EPRS1: variants seen among roughly 807,000 people sequenced by gnomAD.
EPRS1 encodes glutamyl-prolyl-tRNA synthetase 1, also known as bifunctional glutamate/proline--tRNA ligase.
In EPRS1, 107 loss-of-function variants were observed where a neutral mutation model predicts 188.3. The ratio of observed to expected loss-of-function variants is 0.57; its 90% confidence interval spans 0.49 to 0.67. The LOEUF is 0.67. Among genes scored for constraint, EPRS1 ranks in the 30% least tolerant of loss-of-function variants. The pLI is 0.00. For missense variants in EPRS1, 1,577 were observed against 1,802.2 expected, an observed-to-expected ratio of 0.88 and a Z score of 2.26; for synonymous variants, 596 against 593.1, an observed-to-expected ratio of 1.00 and a Z score of -0.07.
intron 10 of EPRS1, 133 bp from the exon 11 acceptor site, chr1:220,019,212 G>T: frequency 3.1e-6 from 2 of 644,588 alleles, no homozygotes; most frequent in Non-Finnish European, 5.5e-6. Flanking sequence ...ATACTAATTA[G>T]GTAGTATGCA....
At chr1:220,021,378 T>C (rs1277302166) in intron 9 of EPRS1, among the ~76,000 whole-genome samples, 1 of 151,904 alleles carries the variant, frequency 6.6e-6, no homozygotes, top group Non-Finnish European at 1.5e-5. Context: ...ATTTATTTTT[T>C]GGTAGAGACA....
At position 220,002,822 on chromosome 1, in the gene EPRS1, G is replaced by A. The variant is rs1406165256; in HGVS notation, c.2064-1567C>T. On this transcript the variant is annotated intron_variant, in intron 16 of 31. Transcript: ENST00000366923. ...CCGCTGCACTCAAGTCTGGGTGAGA[G>A]TGAGACCCTGTCTCTTAAAAAAATA... Among the ~76,000 whole-genome samples the A allele has an allele frequency of 3.3e-5, 5 of 152,178 alleles. 1 individual carries two copies. Among genetic ancestry groups the A allele is most frequent in the Non-Finnish European group, 4.4e-5 (3 of 68,038 alleles).
chr1:220,011,162 A>G, intron 12 of EPRS1, 106 bp from the exon 13 acceptor site: 1 of 617,956 alleles, frequency 1.6e-6, no homozygotes, highest in Non-Finnish European at 2.8e-6. Flanking sequence ...TTGTTACTGC[A>G]TTTACTAATT....
At chr1:220,029,648 G>A (rs905280137) in intron 6 of EPRS1, among the ~76,000 whole-genome samples, 3 of 152,140 alleles carry the variant, frequency 2.0e-5, no homozygotes, top group African/African-American at 7.2e-5. Flanking sequence ...TTTCCTAATG[G>A]TTAATTTTCT....
chr1:219,997,359 C>T lies in EPRS1; in HGVS notation c.2182-17G>A, dbSNP rs760167455. On this transcript the variant is annotated splice_polypyrimidine_tract_variant and intron_variant, in intron 17 of 31. Coordinates refer to ENST00000366923, the MANE Select transcript of EPRS1 (RefSeq NM_004446.3). ...AGCAGAGGTCTACCAAGAGAGAAAA[C>T]CAAAAGTAAAATAATTAATTCATAT... 4 of 1,524,120 alleles carry T rather than the reference C, an allele frequency of 2.6e-6. No individual in the cohort carries two copies. The highest frequency in any genetic ancestry group is 3.5e-6 in the Non-Finnish European group (4 of 1,138,470). The allele number at this position is 1,524,120 out of a possible 1,614,324, so 94.4% of individuals were successfully genotyped here. A position where few individuals can be genotyped will look rare whatever the true frequency, so the allele number is the denominator to read the frequency against.
At chr1:219,971,619 C>T (rs571118588) in intron 30 of EPRS1, among the ~76,000 whole-genome samples, 2 of 151,586 alleles carry the variant, frequency 1.3e-5, no homozygotes, top group Admixed American at 1.3e-4. Flanking sequence ...ACTGAAATAA[C>T]ACAGATTTTC....
Position 220,010,987 on chromosome 1 carries a change from C to G in EPRS1, c.1564G>C (p.Glu522Gln). Residue 522 changes from glutamate to glutamine, a missense_variant, in exon 13 of 32, where the codon GAA becomes CAA. Physicochemically the swap from Glu to Gln is conservative, Grantham distance 29. Transcript: ENST00000366923. ...KKEVIPVNVP[E>Q]AQEEMKEVAK... is the part of the protein sequence containing the mutation. ...ACTTCTTTCATCTCCTCCTGAGCTT[C>G]AGGTACATTCACTGGGATCACTTCT... is the stretch of plus-strand genomic sequence containing the variant. The G allele has an allele frequency of 6.2e-7, 1 of 1,613,622 alleles. No homozygotes were observed. Among genetic ancestry groups the G allele is most frequent in the Non-Finnish European group, 8.5e-7 (1 of 1,179,588 alleles).
At position 219,976,729 on chromosome 1, in the gene EPRS1, A is replaced by G. The variant is rs545922959; in HGVS notation, c.4083+1817T>C. On this transcript the variant is annotated intron_variant, in intron 28 of 31. Coordinates refer to ENST00000366923, the MANE Select transcript of EPRS1 (RefSeq NM_004446.3). The stretch of plus-strand genomic sequence containing the variant: ...GAAAAACAGGCTGTCTGTGAAGAAG[A>G]GAGAAAACGGCATATGAAAGGGGAT... Among the ~76,000 whole-genome samples the G allele has an allele frequency of 3.3e-5, 5 of 152,326 alleles. No homozygotes were observed. In the South Asian group the frequency reaches 1.0e-3, roughly 32 times the overall value.
chr1:219,991,600 AAG>A (rs1006797138), intron 18 of EPRS1, among the ~76,000 whole-genome samples: 1 of 152,172 alleles, frequency 6.6e-6, no homozygotes, highest in Non-Finnish European at 1.5e-5. Flanking sequence ...ACAGGTTGCA[AAG>A]AGAGGCATTT....
At chr1:220,040,517 T>C (rs1288870709) in intron 1 of EPRS1, among the ~76,000 whole-genome samples, 2 of 152,234 alleles carry the variant, frequency 1.3e-5, no homozygotes, top group African/African-American at 4.8e-5. Flanking sequence ...TTAGAGACAC[T>C]GAAATTAATC....
chr1:220,014,930 C>T (rs186210153), intron 12 of EPRS1, among the ~76,000 whole-genome samples: 17 of 152,178 alleles, frequency 1.1e-4, no homozygotes, highest in African/African-American at 3.6e-4. Context: ...ACTATTAATA[C>T]CATGAAACAA....
intron 18 of EPRS1, among the ~76,000 whole-genome samples, chr1:219,993,911 T>C (rs921627170): frequency 3.3e-5 from 5 of 152,240 alleles, no homozygotes; most frequent in Non-Finnish European, 5.9e-5. Flanking sequence ...TTTTTGTACA[T>C]GGCTCTTGGG....
intron 1 of EPRS1, among the ~76,000 whole-genome samples, chr1:220,042,438 C>T (rs1349320574): frequency 2.0e-5 from 3 of 148,520 alleles, no homozygotes; most frequent in Non-Finnish European, 4.5e-5. Flanking sequence ...GAGCCAAGAT[C>T]GTACCACTGC....
At chr1:220,022,326 T>A in intron 9 of EPRS1, 21 bp downstream of exon 9, 1 of 1,599,044 alleles carries the variant, frequency 6.3e-7, no homozygotes, top group South Asian at 1.1e-5. Flanking sequence ...CTACCTAGCA[T>A]ATTGAAGGAG....
At chr1:219,976,054 CA>C (rs1205936041) in intron 28 of EPRS1, among the ~76,000 whole-genome samples, 2 of 152,076 alleles carry the variant, frequency 1.3e-5, no homozygotes, top group Admixed American at 1.3e-4. Context: ...TTGTGCCAAG[CA>C]GCAAGGAAGT....
At chr1:220,006,745 T>C (rs1162589575) in intron 14 of EPRS1, among the ~76,000 whole-genome samples, 3 of 152,246 alleles carry the variant, frequency 2.0e-5, no homozygotes, top group Non-Finnish European at 4.4e-5. Context: ...AAGCATACTA[T>C]GTTTCATTTA....
At chr1:219,978,398 C>G in intron 28 of EPRS1, 148 bp downstream of exon 28, 1 of 573,746 alleles carries the variant, frequency 1.7e-6, no homozygotes, top group Non-Finnish European at 3.0e-6. Flanking sequence ...TGTGTCAGTG[C>G]TCAACAGTTT....
chr1:219,975,638 T>C (rs991574933), intron 28 of EPRS1, among the ~76,000 whole-genome samples: 1 of 152,130 alleles, frequency 6.6e-6, no homozygotes, highest in Non-Finnish European at 1.5e-5. Flanking sequence ...GGTTTCACCA[T>C]GTTGGACAGG....
rs1028508388 is a variant in EPRS1, at chr1:219,980,325, T to C, written c.3556-85A>G. ...ATAAAACTGCACTACTTAAGACTAA[T>C]TGTGTGGGAAAAGCAATCTGAACAA... On this transcript the variant is annotated intron_variant, in intron 25 of 31. Coordinates refer to ENST00000366923, the MANE Select transcript of EPRS1 (RefSeq NM_004446.3). 1.7e-5 allele frequency: 18 copies of C among 1,031,352 alleles called. No individual in the cohort carries two copies. In the Admixed American group the frequency reaches 4.1e-4, roughly 23 times the overall value. 63.9% of individuals were successfully genotyped at this position (1,031,352 alleles called of 1,614,324 possible). A position where few individuals can be genotyped will look rare whatever the true frequency, so the allele number is the denominator to read the frequency against.
Sources: gnomAD v4.1 joint callset for allele counts (sites outside exome capture counted in the v4.1 genomes callset) on GRCh38, gnomAD v4.1.1 for gene constraint, MANE v1.5 for transcripts, NCBI Gene and HGNC (gene_info 2026-07-23, HGNC 2026-07-21) for gene names.